Variants in LMTK2 observed in about 807,000 individuals in gnomAD.
LMTK2 encodes the protein serine/threonine-protein kinase LMTK2.
Under a neutral mutation model 127.5 loss-of-function variants are expected in LMTK2, and 37 were observed. The observed-to-expected ratio is 0.29, with a 90% CI of 0.22 to 0.38. LMTK2 has a LOEUF of 0.38. Among genes scored for constraint, LMTK2 ranks in the 10% least tolerant of loss-of-function variants. The probability of loss-of-function intolerance (pLI) is 1.00; values close to 1 mark genes in which losing one functional copy is unlikely to be tolerated. For missense variants in LMTK2, 1,694 were observed against 1,920.3 expected (o/e 0.88, Z 2.20); for synonymous variants, 819 against 810.1 (o/e 1.01, Z -0.19).
intron 1 of LMTK2, among the ~76,000 whole-genome samples, chr7:98,114,183 T>G (rs1796244740): frequency 6.6e-6 from 1 of 152,062 alleles, no homozygotes; most frequent in African/African-American, 2.4e-5. Context: ...ACCTTCTGTT[T>G]AATTTTTGAC....
intron 7 of LMTK2, among the ~76,000 whole-genome samples, chr7:98,182,712 A>G (rs1042589603): frequency 2.6e-5 from 4 of 152,210 alleles, no homozygotes; most frequent in African/African-American, 9.6e-5. Flanking sequence ...TTTCCATGTG[A>G]TGCAGTGATG....
At chr7:98,168,680 C>A (rs1797139251) in intron 6 of LMTK2, among the ~76,000 whole-genome samples, 1 of 152,186 alleles carries the variant, frequency 6.6e-6, no homozygotes, top group Non-Finnish European at 1.5e-5. Context: ...CCATTCATGT[C>A]AGCATTGAGG....
chr7:98,155,767 C>T (rs1408639424), intron 5 of LMTK2, among the ~76,000 whole-genome samples: 2 of 151,384 alleles, frequency 1.3e-5, no homozygotes, highest in African/African-American at 4.9e-5. Flanking sequence ...GCAAACCTGC[C>T]TTAGAAGAAT....
intron 1 of LMTK2, among the ~76,000 whole-genome samples, chr7:98,124,706 A>G (rs1181306327): frequency 6.6e-6 from 1 of 152,078 alleles, no homozygotes; most frequent in African/African-American, 2.4e-5. Flanking sequence ...GGATTGCTTG[A>G]GCCCAGGAGT....
At chr7:98,147,449 T>C (rs1205966468) in intron 3 of LMTK2, among the ~76,000 whole-genome samples, 1 of 152,182 alleles carries the variant, frequency 6.6e-6, no homozygotes, top group Non-Finnish European at 1.5e-5. Context: ...GGTCTCAAAC[T>C]TCTGGGCTCA....
Position 98,137,379 on chromosome 7 carries a change from A to T in LMTK2, c.168A>T (p.Ile56=). The change falls in exon 2 of 14, where the codon ATA becomes ATT. Residue 56 remains isoleucine, a synonymous_variant. Transcript: ENST00000297293. ...TGATCCTGTGTGTGTGCAGTTTAAT[A>T]ATATTAATAGTGTTAATTGCAAACT... is the stretch of plus-strand genomic sequence containing the variant. ...SFVILCVCSL[I]ILIVLIANCV... is the part of the protein sequence containing the mutation. The T allele has an allele frequency of 6.2e-7, 1 of 1,613,856 alleles. No homozygotes were observed. Among genetic ancestry groups the T allele is most frequent in the East Asian group, 2.2e-5 (1 of 44,878 alleles).
chr7:98,187,088 GTATAAGAT>G, intron 9 of LMTK2, 90 bp downstream of exon 9: 1 of 1,197,978 alleles, frequency 8.3e-7, no homozygotes, highest in Non-Finnish European at 1.2e-6. Flanking sequence ...GAAAGTAGTT[GTATAAGAT>G]GTAGGAACAA....
At chr7:98,141,908 A>G (rs10276472) in intron 3 of LMTK2, among the ~76,000 whole-genome samples, 10,022 of 152,226 alleles carry the variant, frequency 0.066, 384 homozygotes, top group South Asian at 0.17. Context: ...GCATTTGGGT[A>G]GGAGAGGAAA....
At chr7:98,107,373 C>G in intron 1 of LMTK2, 93 bp downstream of exon 1, 2 of 108,420 alleles carry the variant, frequency 1.8e-5, no homozygotes, top group South Asian at 3.1e-4. Context: ...GCCGAGGAAT[C>G]GGAGGGCCTG....
At chr7:98,198,838 A>C (rs1454936014) in intron 11 of LMTK2, among the ~76,000 whole-genome samples, 1 of 152,170 alleles carries the variant, frequency 6.6e-6, no homozygotes, top group Non-Finnish European at 1.5e-5. Context: ...CTTTAGCTGC[A>C]CCCAGCAAAT....
At chr7:98,174,150 T>C (rs1797241806) in intron 7 of LMTK2, among the ~76,000 whole-genome samples, 1 of 152,054 alleles carries the variant, frequency 6.6e-6, no homozygotes, top group Non-Finnish European at 1.5e-5. Context: ...TATATTAAAT[T>C]TCTGTTTGGG....
intron 13 of LMTK2, 29 bp downstream of exon 13, chr7:98,204,215 G>C (rs766991464): frequency 8.8e-6 from 11 of 1,244,596 alleles, no homozygotes; most frequent in Non-Finnish European, 1.2e-5. Context: ...TGGGGATTGG[G>C]AGTGCAGGGT....
chr7:98,179,422 T>A (rs1240939185), intron 7 of LMTK2, among the ~76,000 whole-genome samples: 1 of 152,160 alleles, frequency 6.6e-6, no homozygotes, highest in Admixed American at 6.5e-5. Context: ...CAGGGTCTGT[T>A]TATAGACCCT....
chr7:98,152,435 C>A (rs1334165398), intron 4 of LMTK2, among the ~76,000 whole-genome samples: 1 of 152,204 alleles, frequency 6.6e-6, no homozygotes, highest in Non-Finnish European at 1.5e-5. Flanking sequence ...CATGTCCTCC[C>A]AACTGTTTGA....
intron 7 of LMTK2, among the ~76,000 whole-genome samples, chr7:98,175,183 T>A (rs1296740738): frequency 6.6e-6 from 1 of 152,178 alleles, no homozygotes; most frequent in Non-Finnish European, 1.5e-5. Flanking sequence ...GAGGAAGAGT[T>A]ACTTTGGGAA....
chr7:98,184,174 T>C (rs2116446926), intron 7 of LMTK2, among the ~76,000 whole-genome samples: 2 of 152,274 alleles, frequency 1.3e-5, no homozygotes, highest in South Asian at 4.1e-4. Flanking sequence ...TGGGGTTTGC[T>C]GAAGTTGTGC....
intron 1 of LMTK2, among the ~76,000 whole-genome samples, chr7:98,128,656 T>C (rs1162274578): frequency 6.6e-6 from 1 of 152,222 alleles, no homozygotes; most frequent in Non-Finnish European, 1.5e-5. Context: ...CCGAGGGCTG[T>C]GGCTCTGCCC....
intron 7 of LMTK2, among the ~76,000 whole-genome samples, chr7:98,173,431 A>G (rs1304776742): frequency 1.3e-5 from 2 of 152,140 alleles, no homozygotes; most frequent in South Asian, 2.1e-4. Context: ...GATGTCTTTT[A>G]TAACAGGCTG....
chr7:98,185,732 C>CTT (rs200304210), intron 8 of LMTK2, among the ~76,000 whole-genome samples: 6 of 144,280 alleles, frequency 4.2e-5, no homozygotes, highest in African/African-American at 1.5e-4. Context: ...CTTTTCCTTT[C>CTT]TTTTTTTTTT....
Sources: allele counts gnomAD v4.1 joint callset (sites outside exome capture counted in the v4.1 genomes callset), GRCh38; gene constraint gnomAD v4.1.1; transcripts MANE v1.5; gene names NCBI Gene and HGNC (gene_info 2026-07-23, HGNC 2026-07-21).